The following CTBP2 variants were observed in gnomAD, a reference collection of about 807,000 sequenced individuals.
CTBP2 encodes the protein C-terminal-binding protein 2.
CTBP2 carries 30 observed loss-of-function variants against 80.3 expected under a neutral mutation model. The ratio of observed to expected loss-of-function variants is 0.37; its 90% CI spans 0.28 to 0.51. The LOEUF is 0.51. Among genes scored for constraint, CTBP2 ranks in the 20% least tolerant of loss-of-function variants. The pLI is 0.93. For synonymous variants in CTBP2, 594 were observed against 587.4 expected (o/e 1.01, Z -0.16); for missense variants, 1,212 against 1,375.3 (o/e 0.88, Z 1.88).
chr10:125,048,970 A>G (rs1961960531), intron 2 of CTBP2, among the ~76,000 whole-genome samples: 2 of 151,808 alleles, frequency 1.3e-5, no homozygotes. Context: ...GATTTTTCCA[A>G]CTTTCCCCAG....
At chr10:125,001,897 G>T (rs1288867422) in intron 3 of CTBP2, among the ~76,000 whole-genome samples, 1 of 152,218 alleles carries the variant, frequency 6.6e-6, no homozygotes. Flanking sequence ...GCCCATGGGG[G>T]TGGCCTCCCT....
chr10:125,023,205 G>A (rs1957223670), intron 1 of CTBP2, among the ~76,000 whole-genome samples: 1 of 152,180 alleles, frequency 6.6e-6, no homozygotes, highest in Non-Finnish European at 1.5e-5. Context: ...TAATCCAGTT[G>A]CATCAAGAAA....
At chr10:125,073,805 C>T (rs1034303195) in intron 2 of CTBP2, among the ~76,000 whole-genome samples, 13 of 152,190 alleles carry the variant, frequency 8.5e-5, no homozygotes, top group Admixed American at 3.3e-4. Flanking sequence ...GTGCTGCCCC[C>T]CGGAAAGGGT....
At chr10:125,030,146 CCACACA>C (rs3068310), upstream of CTBP2, among the ~76,000 whole-genome samples, 15 of 150,060 alleles carry the variant, frequency 1.0e-4, no homozygotes, top group Admixed American at 2.7e-4. Flanking sequence ...TACACAAACA[CCACACA>C]CACACACACA....
chr10:125,120,987 C>T (rs1354975902), intron 1 of CTBP2, among the ~76,000 whole-genome samples: 1 of 152,258 alleles, frequency 6.6e-6, no homozygotes, highest in Non-Finnish European at 1.5e-5. Flanking sequence ...ACCCTCAACC[C>T]TTTATCTATT....
In CTBP2 at chr10:124,989,600, G is replaced by A; in HGVS notation, c.2876C>T (p.Thr959Ile). ...GGGCGCTTGGGAAGGATGTGCCACT[G>A]TCGGGAGGTTGTGAGTCACTGGGAT... The change falls in exon 9 of 9, where the codon ACA (threonine) becomes ATA (isoleucine). Residue 959 changes from threonine (T) to isoleucine (I), a missense_variant. Around this residue, in one of 3 missense-constraint regions of CTBP2, gnomAD observed 335 missense variants for 504.7 expected, o/e 0.66. Transcript: ENST00000309035. The A allele has an allele frequency of 6.2e-7, 1 of 1,613,402 alleles. No individual in the cohort carries two copies. Among genetic ancestry groups the A allele is most frequent in the Non-Finnish European group, 8.5e-7 (1 of 1,179,734 alleles).
At chr10:125,156,087 C>A (rs1860867772) in intron 1 of CTBP2, among the ~76,000 whole-genome samples, 1 of 152,136 alleles carries the variant, frequency 6.6e-6, no homozygotes, top group South Asian at 2.1e-4. Flanking sequence ...ACACACTGCC[C>A]TCCCATTTTT....
upstream of CTBP2, chr10:125,161,037 C>G (rs192402886): frequency 6.8e-6 from 1 of 147,638 alleles, no homozygotes; most frequent in Non-Finnish European, 1.5e-5. Context: ...AGGTGAGGGT[C>G]GCCGCTCGCT....
rs139168493 is a variant in CTBP2, at chr10:125,036,847, C to T, written c.58+2150G>A. Among the ~76,000 whole-genome samples the T allele has an allele frequency of 6.3e-3, 958 of 152,230 alleles. 9 individuals carry two copies. Among genetic ancestry groups the T allele is most frequent in the Non-Finnish European group, 7.5e-3 (512 of 68,008 alleles). ...TGGGTGCAAACTGCCTACTGCTCAA[C>T]GCCTCTCTGGCAGCACCTGTGAGAT... On this transcript the variant is annotated intron_variant, in intron 3 of 10. Coordinates refer to the CTBP2 transcript ENST00000337195.
chr10:125,145,920 A>AT lies in CTBP2; in HGVS notation c.-206+14398dup, dbSNP rs112934983. Among the ~76,000 whole-genome samples, 1,355 of 141,824 alleles carry AT rather than the reference A, an allele frequency of 9.6e-3. 6 individuals carry two copies. Among genetic ancestry groups the AT allele is most frequent in the Middle Eastern group, 0.034 (9 of 264 alleles). The allele number at this position is 141,824 out of a possible 152,430, so 93.0% of individuals were successfully genotyped here. ...GGACCATTTTGCTTTTCCAAGTGAG[A>AT]TTTTTTTTTTTTTTTAATTTGAGAC... On this transcript the variant is annotated intron_variant, in intron 1 of 10. Transcript: ENST00000337195.
At chr10:125,034,344 A>T (rs1206608328) in intron 3 of CTBP2, among the ~76,000 whole-genome samples, 1 of 152,242 alleles carries the variant, frequency 6.6e-6, no homozygotes, top group African/African-American at 2.4e-5. Context: ...CCTTGCAAAG[A>T]ACCGCACTTT....
At chr10:125,139,463 G>C (rs558151513) in intron 1 of CTBP2, among the ~76,000 whole-genome samples, 1 of 151,840 alleles carries the variant, frequency 6.6e-6, no homozygotes, top group Non-Finnish European at 1.5e-5. Flanking sequence ...AATGAGGGCA[G>C]AGGATTTTCT....
intron 1 of CTBP2, among the ~76,000 whole-genome samples, chr10:125,141,312 A>G (rs959293789): frequency 3.3e-5 from 5 of 152,110 alleles, no homozygotes; most frequent in African/African-American, 1.2e-4. Flanking sequence ...GAGAGGAACT[A>G]GTGACTAGCG....
chr10:125,120,271 G>T (rs560312190), intron 1 of CTBP2, among the ~76,000 whole-genome samples: 16 of 152,330 alleles, frequency 1.1e-4, no homozygotes, highest in Middle Eastern at 3.4e-3. Context: ...AGGATGAGCA[G>T]GAAGATGAGC....
chr10:125,056,146 T>C (rs1229357730), intron 2 of CTBP2, among the ~76,000 whole-genome samples: 1 of 149,214 alleles, frequency 6.7e-6, no homozygotes, highest in Non-Finnish European at 1.5e-5. Context: ...GCCTGGGCAA[T>C]ACAGCGAGAT....
chr10:125,161,549 G>C (rs999246703), upstream of CTBP2, among the ~76,000 whole-genome samples: 41 of 152,038 alleles, frequency 2.7e-4, no homozygotes, highest in Non-Finnish European at 5.1e-4. Flanking sequence ...GGCCCGCGGG[G>C]TCAGGCGCGG....
Position 125,139,095 on chromosome 10 carries a change from G to A in CTBP2, c.-206+21224C>T, listed in dbSNP as rs115113646. On this transcript the variant is annotated intron_variant, in intron 1 of 10. Transcript: ENST00000337195. ...AACAGACAGTAGATACTATTAGCCA[G>A]GCGAGGTGGCTCACGCCTGTAATCC... 3.9e-3 allele frequency among the ~76,000 whole-genome samples: 599 copies of A among 152,304 alleles called. 5 individuals are homozygous for A. The highest frequency in any genetic ancestry group is 0.013 in the African/African-American group (556 of 41,552).
Position 125,038,982 on chromosome 10 carries a change from C to G in CTBP2, c.58+15G>C. 1.2e-6 allele frequency: 2 copies of G among 1,612,546 alleles called. No homozygotes were observed. The highest frequency in any genetic ancestry group is 2.2e-5 in the South Asian group (2 of 90,824). On this transcript the variant is annotated intron_variant, in intron 3 of 10. Transcript: ENST00000337195. Reference sequence around the variant, plus strand: ...ACTACGTATGTTTGGTAAAAACCGCCAAACACGCTCTTACCTTCACAAATT... The same window carrying G: ...ACTACGTATGTTTGGTAAAAACCGCGAAACACGCTCTTACCTTCACAAATT...
intron 1 of CTBP2, among the ~76,000 whole-genome samples, chr10:125,117,204 G>T (rs1384211318): frequency 1.3e-5 from 2 of 152,214 alleles, no homozygotes; most frequent in Admixed American, 1.3e-4. Flanking sequence ...GCAGTACAAC[G>T]CATTGTAACG....
Sources: allele counts gnomAD v4.1 joint callset (sites outside exome capture counted in the v4.1 genomes callset), GRCh38; gene constraint gnomAD v4.1.1; regional missense constraint gnomAD v4.1.1; transcripts MANE v1.5; gene names NCBI Gene and HGNC (gene_info 2026-07-23, HGNC 2026-07-21).